The following MAN2A1 variants were observed in gnomAD, a reference collection of about 807,000 sequenced individuals.
MAN2A1 encodes the protein alpha-mannosidase 2.
A neutral mutation model predicts 142.6 loss-of-function variants in MAN2A1; 76 were observed. The observed-to-expected ratio is 0.53, with a 90% CI of 0.44 to 0.65. The LOEUF (loss-of-function observed/expected upper bound fraction) is 0.65, where lower values mean the gene tolerates loss of function less well. MAN2A1 is among the 30% of genes least tolerant of loss of function. MAN2A1 has a pLI of 0.00. For missense variants in MAN2A1, 1,311 were observed against 1,365.1 expected (o/e 0.96, Z 0.62); for synonymous variants, 559 against 473.2 (o/e 1.18, Z -2.35).
At chr5:109,724,003 CAG>C (rs1751676225) in intron 3 of MAN2A1, among the ~76,000 whole-genome samples, 1 of 152,178 alleles carries the variant, frequency 6.6e-6, no homozygotes, top group East Asian at 1.9e-4. Flanking sequence ...ATGAATAAAT[CAG>C]AACGTTAATT....
At chr5:109,775,133 AG>A (rs1272343110) in intron 8 of MAN2A1, among the ~76,000 whole-genome samples, 168 bp downstream of exon 8, 4 of 152,192 alleles carry the variant, frequency 2.6e-5, no homozygotes, top group Admixed American at 6.6e-5. Flanking sequence ...TATATGCTAT[AG>A]TTCCATATCT....
intron 4 of MAN2A1, among the ~76,000 whole-genome samples, chr5:109,731,882 T>C (rs577115889): frequency 1.1e-4 from 17 of 149,738 alleles, no homozygotes; most frequent in African/African-American, 4.2e-4. Flanking sequence ...TACCCAGTAA[T>C]GGGATGGCTG....
At chr5:109,760,614 A>G (rs370126905) in intron 5 of MAN2A1, among the ~76,000 whole-genome samples, 3 of 152,102 alleles carry the variant, frequency 2.0e-5, no homozygotes, top group South Asian at 2.1e-4. Context: ...AAGCATTCCT[A>G]TTTCTCCACA....
intron 10 of MAN2A1, among the ~76,000 whole-genome samples, chr5:109,787,432 A>G (rs578259363): frequency 6.0e-4 from 92 of 152,172 alleles, no homozygotes; most frequent in African/African-American, 2.0e-3. Context: ...AGGCCCTGAA[A>G]AAAATCCTGT....
Position 109,842,460 on chromosome 5 carries a change from A to C in MAN2A1, c.2699A>C (p.Gln900Pro). 6.5e-7 allele frequency: 1 copy of C among 1,541,952 alleles called. No individual in the cohort carries two copies. The highest frequency in any genetic ancestry group is 1.2e-5 in the South Asian group (1 of 83,656). The change falls in exon 17 of 22, where the codon CAG becomes CCG. Residue 900 changes from glutamine (Q) to proline (P), a missense_variant and splice_region_variant. Coordinates refer to ENST00000261483, the MANE Select transcript of MAN2A1 (RefSeq NM_002372.4). ...TTTTATACTGACCTAAATGGGTACC[A>C]GGTAATTTTTCCTTTAAAATGTTTA... ...NRFYTDLNGY[Q>P]IQPRMTLSKL...
At chr5:109,855,091 G>A (rs775234841) in intron 19 of MAN2A1, 49 bp from the exon 20 acceptor site, 25 of 976,906 alleles carry the variant, frequency 2.6e-5, no homozygotes, top group Non-Finnish European at 3.6e-5. Context: ...TTAATATGAT[G>A]AGAACTGGAA....
chr5:109,716,077 T>A (rs1443928064), intron 2 of MAN2A1, 43 bp from the exon 3 acceptor site: 1 of 1,370,752 alleles, frequency 7.3e-7, no homozygotes, highest in East Asian at 2.5e-5. Flanking sequence ...AACATTAAAT[T>A]AATAATTGTT....
chr5:109,843,607 A>G (rs1755270570), intron 17 of MAN2A1, among the ~76,000 whole-genome samples: 2 of 152,306 alleles, frequency 1.3e-5, no homozygotes, highest in Non-Finnish European at 2.9e-5. Flanking sequence ...ATACCATTAT[A>G]CATACACAGA....
At chr5:109,741,046 G>T (rs1752254587) in intron 4 of MAN2A1, among the ~76,000 whole-genome samples, 1 of 152,108 alleles carries the variant, frequency 6.6e-6, no homozygotes, top group Non-Finnish European at 1.5e-5. Context: ...TATTGGAGGG[G>T]ACTGCAGATT....
intron 3 of MAN2A1, among the ~76,000 whole-genome samples, chr5:109,725,313 G>A (rs1561479599): frequency 6.6e-6 from 1 of 152,188 alleles, no homozygotes; most frequent in Non-Finnish European, 1.5e-5. Context: ...GCCAGCCTGT[G>A]GGGCAGGCCA....
chr5:109,727,231 C>T (rs1751769863), intron 3 of MAN2A1, among the ~76,000 whole-genome samples: 1 of 152,036 alleles, frequency 6.6e-6, no homozygotes, highest in African/African-American at 2.4e-5. Context: ...TTGTTTTTTT[C>T]ACAGTTCGAG....
At chr5:109,773,871 A>G (rs951430546) in intron 7 of MAN2A1, among the ~76,000 whole-genome samples, 132 of 152,320 alleles carry the variant, frequency 8.7e-4, no homozygotes, top group East Asian at 1.3e-3. Context: ...AATTATAAAA[A>G]TACTTGTCGT....
At chr5:109,694,413 T>C (rs1750754909) in intron 1 of MAN2A1, among the ~76,000 whole-genome samples, 1 of 152,104 alleles carries the variant, frequency 6.6e-6, no homozygotes, top group Admixed American at 6.5e-5. Context: ...GAATCACAGC[T>C]TACTGCAGTG....
At chr5:109,725,255 G>C (rs1036398155) in intron 3 of MAN2A1, among the ~76,000 whole-genome samples, 1 of 152,248 alleles carries the variant, frequency 6.6e-6, no homozygotes, top group African/African-American at 2.4e-5. Context: ...GGTTTAGATT[G>C]CTGTTGCTCT....
chr5:109,764,714 A>G (rs1008082610), intron 5 of MAN2A1, among the ~76,000 whole-genome samples: 1 of 152,188 alleles, frequency 6.6e-6, no homozygotes, highest in African/African-American at 2.4e-5. Flanking sequence ...ATTACCAGTG[A>G]TGTTATAATT....
At chr5:109,734,200 G>T (rs902442711) in intron 4 of MAN2A1, among the ~76,000 whole-genome samples, 3 of 150,976 alleles carry the variant, frequency 2.0e-5, no homozygotes, top group African/African-American at 7.3e-5. Context: ...TGTGGGATCG[G>T]TGGTGATATC....
rs554202937 is a variant in MAN2A1, at chr5:109,812,795, A to G, written c.1944-4478A>G. ...ATAATCAAAATGGAACTGCTCTGAT[A>G]AAACTATAAAGCCCCACATCAGTAG... is the stretch of plus-strand genomic sequence containing the variant. On this transcript the variant is annotated intron_variant, in intron 12 of 21. Transcript: ENST00000261483. Among the ~76,000 whole-genome samples, 5 of 152,252 alleles carry G rather than the reference A, an allele frequency of 3.3e-5. No homozygotes were observed. In the East Asian group the frequency reaches 7.7e-4, roughly 24 times the overall value.
chr5:109,742,230 C>T (rs911665547), intron 4 of MAN2A1, among the ~76,000 whole-genome samples: 4 of 152,198 alleles, frequency 2.6e-5, no homozygotes, highest in South Asian at 2.1e-4. Context: ...GAGAAACCCA[C>T]GAATTATTAG....
rs1204621988 is a variant in MAN2A1, at chr5:109,721,977, T to G, written c.535+5713T>G. On this transcript the variant is annotated intron_variant, in intron 3 of 21. Transcript: ENST00000261483. ...TTCATGACAGAGTCTGTAATTACCC[T>G]CCCTTCATAGATGTGGGAGAAGTGG... 4.6e-5 allele frequency among the ~76,000 whole-genome samples: 7 copies of G among 152,320 alleles called. No individual in the cohort carries two copies. The South Asian group carries it at 1.2e-3, about 27-fold the overall frequency.
Sources: gnomAD v4.1 joint callset for allele counts (sites outside exome capture counted in the v4.1 genomes callset) on GRCh38, gnomAD v4.1.1 for gene constraint, MANE v1.5 for transcripts, NCBI Gene and HGNC (gene_info 2026-07-23, HGNC 2026-07-21) for gene names.